Variants in SEMA5A observed in about 807,000 individuals in gnomAD.
The protein encoded by SEMA5A is semaphorin 5A, also known as semaphorin-5A.
Under a neutral mutation model 135.5 loss-of-function variants are expected in SEMA5A, and 55 were observed. That is an observed-to-expected ratio of 0.41 (90% CI 0.33 to 0.51). The LOEUF is 0.51. Among genes scored for constraint, SEMA5A ranks in the 20% least tolerant of loss-of-function variants. The pLI, the probability that SEMA5A is intolerant of heterozygous loss-of-function variation, is 0.37. For synonymous variants in SEMA5A, 580 were observed against 546.5 expected, an observed-to-expected ratio of 1.06 and a Z score of -0.85; for missense variants, 1,290 against 1,419.9, an observed-to-expected ratio of 0.91 and a Z score of 1.47.
chr5:9,177,286 G>T (rs1276120004), intron 11 of SEMA5A, among the ~76,000 whole-genome samples: 1 of 152,196 alleles, frequency 6.6e-6, no homozygotes, highest in Non-Finnish European at 1.5e-5. Context: ...ATTGACTTCA[G>T]GGTGCAGGTT....
chr5:9,273,187 A>C (rs1750076358), intron 5 of SEMA5A, among the ~76,000 whole-genome samples: 1 of 152,172 alleles, frequency 6.6e-6, no homozygotes, highest in Admixed American at 6.5e-5. Flanking sequence ...AAATTCGTGA[A>C]GCATACACAA....
intron 11 of SEMA5A, among the ~76,000 whole-genome samples, chr5:9,189,206 G>A (rs142984395): frequency 7.5e-4 from 115 of 152,318 alleles, no homozygotes; most frequent in Middle Eastern, 3.4e-3. Context: ...CTGTCTCTGC[G>A]CATCTGCTGT....
chr5:9,245,083 T>C (rs768833474), intron 5 of SEMA5A, among the ~76,000 whole-genome samples: 1 of 152,154 alleles, frequency 6.6e-6, no homozygotes, highest in Non-Finnish European at 1.5e-5. Context: ...CGCAGTCAAC[T>C]GAAGTTCAAA....
chr5:9,057,116 G>A (rs1449215166), intron 18 of SEMA5A, among the ~76,000 whole-genome samples: 4 of 152,170 alleles, frequency 2.6e-5, no homozygotes, highest in Non-Finnish European at 5.9e-5. Context: ...GGTTGCCAGG[G>A]ACTGGGGGAG....
intron 1 of SEMA5A, among the ~76,000 whole-genome samples, chr5:9,478,663 G>A (rs1480983566): frequency 1.3e-5 from 2 of 152,192 alleles, no homozygotes; most frequent in East Asian, 3.9e-4. Context: ...CTCCCTTTTG[G>A]AATGGGAGCA....
intron 1 of SEMA5A, among the ~76,000 whole-genome samples, chr5:9,539,930 G>GA (rs1662914904): frequency 6.6e-6 from 1 of 152,134 alleles, no homozygotes; most frequent in African/African-American, 2.4e-5. Flanking sequence ...AGTTTACAAA[G>GA]ACATTTGTAT....
intron 3 of SEMA5A, among the ~76,000 whole-genome samples, chr5:9,355,189 C>T (rs1173648290): frequency 1.3e-5 from 2 of 152,228 alleles, no homozygotes; most frequent in Non-Finnish European, 2.9e-5. Context: ...ACAATATTCA[C>T]AACGACAAGT....
chr5:9,207,791 G>A (rs1422936057), intron 8 of SEMA5A, among the ~76,000 whole-genome samples: 1 of 151,722 alleles, frequency 6.6e-6, no homozygotes, highest in Non-Finnish European at 1.5e-5. Flanking sequence ...TTAAACATAG[G>A]TTAAAAGCTA....
At chr5:9,057,742 AC>A (rs1477881704) in intron 18 of SEMA5A, among the ~76,000 whole-genome samples, 1 of 152,194 alleles carries the variant, frequency 6.6e-6, no homozygotes, top group African/African-American at 2.4e-5. Context: ...CTCAAAGGAG[AC>A]CTGGAACCAC....
intron 1 of SEMA5A, among the ~76,000 whole-genome samples, chr5:9,451,502 T>C (rs540034969): frequency 6.6e-6 from 1 of 152,306 alleles, no homozygotes; most frequent in Non-Finnish European, 1.5e-5. Flanking sequence ...TTCCTAACTA[T>C]TGTAAAAGAG....
At chr5:9,120,388 G>C (rs1016890536) in intron 14 of SEMA5A, among the ~76,000 whole-genome samples, 1 of 151,814 alleles carries the variant, frequency 6.6e-6, no homozygotes, top group Non-Finnish European at 1.5e-5. Flanking sequence ...AAATTTTTCT[G>C]AGAAAATTCT....
At chr5:9,351,927 G>A (rs1253583139) in intron 3 of SEMA5A, among the ~76,000 whole-genome samples, 1 of 152,150 alleles carries the variant, frequency 6.6e-6, no homozygotes, top group East Asian at 1.9e-4. Flanking sequence ...CTCTTTCTCA[G>A]ACTCCGCTGC....
chr5:9,141,552 A>T lies in SEMA5A; in HGVS notation c.1482-4931T>A, dbSNP rs181429612. ...AGATAAAAATGTTAGTCAGAATCCG[A>T]AGGTTTAATTTTTTTCAAAAACACA... On this transcript the variant is annotated intron_variant, in intron 12 of 22. Coordinates refer to ENST00000382496, the MANE Select transcript of SEMA5A (RefSeq NM_003966.3). Among the ~76,000 whole-genome samples the T allele has an allele frequency of 1.3e-3, 201 of 152,272 alleles. 2 individuals are homozygous for T. The highest frequency in any genetic ancestry group is 4.7e-3 in the African/African-American group (194 of 41,574).
At chr5:9,308,780 A>G (rs944165346) in intron 5 of SEMA5A, among the ~76,000 whole-genome samples, 2 of 152,076 alleles carry the variant, frequency 1.3e-5, no homozygotes, top group African/African-American at 4.8e-5. Context: ...TAAATCACAT[A>G]AACTTGTAGA....
chr5:9,385,306 G>GA (rs372399817), intron 2 of SEMA5A, among the ~76,000 whole-genome samples: 69 of 151,874 alleles, frequency 4.5e-4, no homozygotes, highest in African/African-American at 1.6e-3. Context: ...CTCCTTTTAG[G>GA]AAAAAAAATT....
At chr5:9,396,363 A>G (rs1319449707) in intron 2 of SEMA5A, among the ~76,000 whole-genome samples, 1 of 152,108 alleles carries the variant, frequency 6.6e-6, no homozygotes, top group African/African-American at 2.4e-5. Context: ...AATTCATCAG[A>G]TATTTTGTGC....
intron 3 of SEMA5A, among the ~76,000 whole-genome samples, chr5:9,339,243 G>T (rs961747155): frequency 7.2e-5 from 11 of 152,116 alleles, no homozygotes; most frequent in South Asian, 2.1e-4. Flanking sequence ...GTTTATAGGG[G>T]CTTGTGGGGT....
chr5:9,442,625 C>A (rs1368429068), intron 1 of SEMA5A, among the ~76,000 whole-genome samples: 1 of 152,186 alleles, frequency 6.6e-6, no homozygotes, highest in African/African-American at 2.4e-5. Context: ...ACTAAGTGTG[C>A]AGCTTCAGCC....
chr5:9,318,871 G>A (rs1752502526), intron 4 of SEMA5A, among the ~76,000 whole-genome samples: 1 of 152,148 alleles, frequency 6.6e-6, no homozygotes. Context: ...ACTCTACCTT[G>A]TAAGATGGAT....
Sources: allele counts gnomAD v4.1 joint callset (sites outside exome capture counted in the v4.1 genomes callset), GRCh38; gene constraint gnomAD v4.1.1; transcripts MANE v1.5; gene names NCBI Gene and HGNC (gene_info 2026-07-23, HGNC 2026-07-21).